The following SNTG1 variants were observed in gnomAD, a reference collection of about 807,000 sequenced individuals.
SNTG1 encodes syntrophin gamma 1.
SNTG1 carries 39 observed loss-of-function variants against 74.7 expected under a neutral mutation model. The ratio of observed to expected loss-of-function variants is 0.52; its 90% CI spans 0.40 to 0.68. The LOEUF (loss-of-function observed/expected upper bound fraction) is 0.68, where lower values mean the gene tolerates loss of function less well. Ranked by LOEUF, SNTG1 falls within the 30% of genes least tolerant of loss-of-function variation. The pLI is 0.00. For missense variants in SNTG1, 685 were observed against 609.5 expected, an observed-to-expected ratio of 1.12 and a Z score of -1.30; for synonymous variants, 254 against 217.1, an observed-to-expected ratio of 1.17 and a Z score of -1.49.
Position 50,381,473 on chromosome 8 carries a change from A to C in SNTG1, c.-27-12739A>C, listed in dbSNP as rs1201027487. Among the ~76,000 whole-genome samples, 19 of 150,692 alleles carry C rather than the reference A, an allele frequency of 1.3e-4. No individual in the cohort carries two copies. The Admixed American group carries it at 1.3e-3, about 10-fold the overall frequency. On this transcript the variant is annotated intron_variant, in intron 2 of 18. Transcript: ENST00000642720. ...AAATAAGTTTTGTTGTTGGAAAAAA[A>C]ATCTAAAGTTTACATTTTAAATAAC...
chr8:50,654,392 ATATT>A (rs2095167838), intron 13 of SNTG1, among the ~76,000 whole-genome samples: 1 of 152,190 alleles, frequency 6.6e-6, no homozygotes. Context: ...CGTTTCATAA[ATATT>A]TATTTGTCTA....
chr8:50,675,699 CATG>C (rs570925054), intron 15 of SNTG1, among the ~76,000 whole-genome samples: 22 of 152,022 alleles, frequency 1.4e-4, no homozygotes, highest in African/African-American at 4.3e-4. Context: ...ATCCTGTCAT[CATG>C]ATGTTATCTG....
chr8:50,645,176 GAAACATATAGAAAA>G (rs2095100352), intron 13 of SNTG1, among the ~76,000 whole-genome samples: 1 of 151,070 alleles, frequency 6.6e-6, no homozygotes, highest in Non-Finnish European at 1.5e-5. Context: ...AATGAACCTT[GAAACATATAGAAAA>G]TATGTTTATT....
chr8:50,701,279 G>A (rs2095422615), intron 15 of SNTG1, among the ~76,000 whole-genome samples: 1 of 152,132 alleles, frequency 6.6e-6, no homozygotes, highest in Non-Finnish European at 1.5e-5. Flanking sequence ...TATAAAGAGA[G>A]GGCATACTAA....
At chr8:50,595,826 A>C (rs891868136) in intron 13 of SNTG1, among the ~76,000 whole-genome samples, 3 of 152,008 alleles carry the variant, frequency 2.0e-5, no homozygotes, top group African/African-American at 7.2e-5. Flanking sequence ...AATGCTGGGT[A>C]GTATTTTATC....
At chr8:50,338,133 C>CAA (rs559885856) in intron 2 of SNTG1, among the ~76,000 whole-genome samples, 19 of 148,850 alleles carry the variant, frequency 1.3e-4, no homozygotes, top group South Asian at 4.3e-4. Context: ...GACTCTGTCT[C>CAA]AAAAAAAATA....
chr8:50,346,178 G>A lies in SNTG1; in HGVS notation c.-27-48034G>A, dbSNP rs570954603. On this transcript the variant is annotated intron_variant, in intron 2 of 18. Coordinates refer to ENST00000642720, the MANE Select transcript of SNTG1 (RefSeq NM_018967.5). ...ATGTTTCCTTATTTATAAATCAAAGGTTTGTGACAACAGTGCATCAAGCAA... is the reference window on the plus strand; with the variant it reads ...ATGTTTCCTTATTTATAAATCAAAGATTTGTGACAACAGTGCATCAAGCAA... 2.6e-5 allele frequency among the ~76,000 whole-genome samples: 4 copies of A among 152,258 alleles called. No individual in the cohort carries two copies. The East Asian group carries it at 7.7e-4, about 29-fold the overall frequency.
At chr8:49,930,795 G>C (rs939238685) in intron 1 of SNTG1, among the ~76,000 whole-genome samples, 32 of 151,938 alleles carry the variant, frequency 2.1e-4, no homozygotes, top group Non-Finnish European at 5.9e-5. Flanking sequence ...TGCACACAGC[G>C]ATGCTCCCAA....
intron 13 of SNTG1, among the ~76,000 whole-genome samples, chr8:50,603,331 C>G (rs1329956134): frequency 6.6e-6 from 1 of 152,154 alleles, no homozygotes; most frequent in Non-Finnish European, 1.5e-5. Flanking sequence ...TTGCATTTTT[C>G]AACTCTAGAA....
chr8:50,228,245 T>C (rs2085442226), intron 2 of SNTG1, among the ~76,000 whole-genome samples: 1 of 151,694 alleles, frequency 6.6e-6, no homozygotes, highest in African/African-American at 2.4e-5. Flanking sequence ...AACTAAAATA[T>C]AAAAAGCAAA....
chr8:49,916,913 T>A (rs1806095044), intron 1 of SNTG1, among the ~76,000 whole-genome samples: 2 of 151,932 alleles, frequency 1.3e-5, no homozygotes, highest in African/African-American at 4.8e-5. Context: ...TAGTCTCAGC[T>A]ACTCAGGAGG....
intron 12 of SNTG1, among the ~76,000 whole-genome samples, chr8:50,580,530 A>G (rs1048801745): frequency 2.6e-5 from 4 of 152,128 alleles, no homozygotes; most frequent in Non-Finnish European, 5.9e-5. Context: ...CATTAGCCCA[A>G]TGTGTCATGG....
chr8:50,660,372 A>G (rs868464898), intron 15 of SNTG1, among the ~76,000 whole-genome samples: 1,256 of 105,134 alleles, frequency 0.012, 18 homozygotes, highest in African/African-American at 0.047. Context: ...GAGAGAGAGA[A>G]AGAAGGAAGG....
intron 1 of SNTG1, among the ~76,000 whole-genome samples, chr8:50,058,844 C>T (rs1203064099): frequency 2.0e-5 from 3 of 151,914 alleles, no homozygotes; most frequent in Non-Finnish European, 4.4e-5. Context: ...AAGCAGTCAT[C>T]GCCACAAGAA....
chr8:49,982,322 A>C (rs541020264), intron 1 of SNTG1, among the ~76,000 whole-genome samples: 1 of 152,246 alleles, frequency 6.6e-6, no homozygotes, highest in African/African-American at 2.4e-5. Flanking sequence ...TTGTGAGTTC[A>C]GGTGACTTTG....
chr8:50,685,008 T>C (rs919219221), intron 15 of SNTG1, among the ~76,000 whole-genome samples: 7 of 146,484 alleles, frequency 4.8e-5, no homozygotes, highest in African/African-American at 1.8e-4. Context: ...TTTTCTTACT[T>C]AAAAAAAAAA....
At chr8:50,145,440 A>G (rs1421731457) in intron 1 of SNTG1, among the ~76,000 whole-genome samples, 1 of 152,114 alleles carries the variant, frequency 6.6e-6, no homozygotes, top group Non-Finnish European at 1.5e-5. Context: ...TTATTATTCA[A>G]AAAAAATTGA....
intron 18 of SNTG1, among the ~76,000 whole-genome samples, chr8:50,769,147 AGTACTC>A (rs1563821868): frequency 7.2e-4 from 110 of 151,726 alleles, no homozygotes; most frequent in African/African-American, 2.4e-3. Flanking sequence ...TTGTGTTAAG[AGTACTC>A]TGTACTCTTA....
At position 50,452,731 on chromosome 8, in the gene SNTG1, C is replaced by A. The variant is rs6997739; in HGVS notation, c.363+2002C>A. Among the ~76,000 whole-genome samples, 1,049 of 152,166 alleles carry A rather than the reference C, an allele frequency of 6.9e-3. 4 individuals carry two copies. The highest frequency in any genetic ancestry group is 0.027 in the Middle Eastern group (8 of 294). The stretch of plus-strand genomic sequence containing the variant: ...TTTTTTCTGAGAAGCTTAACTCTAC[C>A]AGCTTTGAAATATGAGTACTAATAT... On this transcript the variant is annotated intron_variant, in intron 8 of 18. Transcript: ENST00000642720.
Sources: allele counts gnomAD v4.1 joint callset (sites outside exome capture counted in the v4.1 genomes callset), GRCh38; gene constraint gnomAD v4.1.1; transcripts MANE v1.5; gene names NCBI Gene and HGNC (gene_info 2026-07-23, HGNC 2026-07-21).